The following ZNF138 variants were observed in gnomAD, a reference collection of about 807,000 sequenced individuals.
ZNF138 encodes the protein zinc finger protein 138 (clone pHZ-32).
A neutral mutation model predicts 33.0 loss-of-function variants in ZNF138; 33 were observed. The observed-to-expected ratio is 1.00, with a 90% confidence interval of 0.76 to 1.34. The LOEUF is 1.34. Among genes scored for constraint, ZNF138 ranks in the 40% most tolerant of loss-of-function variants. The pLI, the probability that ZNF138 is intolerant of heterozygous loss-of-function variation, is 0.00. For missense variants in ZNF138, 360 were observed against 370.8 expected (o/e 0.97, Z 0.24); for synonymous variants, 139 against 120.4 (o/e 1.15, Z -1.01).
At chr7:64,818,238 G>A (rs1336707380) in intron 3 of ZNF138, among the ~76,000 whole-genome samples, 1 of 151,594 alleles carries the variant, frequency 6.6e-6, no homozygotes, top group Non-Finnish European at 1.5e-5. Flanking sequence ...CCCCCACCTC[G>A]GCCTCCCAAT....
In ZNF138 at chr7:64,815,632, AT is replaced by A; in HGVS notation, c.188del (p.Met63ArgfsTer3). ...GCCCTGGAATATGAAGAGACATGAG[AT>A]GGTGGTAGCCAAACATTCAGGTAGG... ...KEPWNMKRHE[M>X]VVAKHSALCS... On this transcript the variant is annotated frameshift_variant, in exon 3 of 4. Transcript: ENST00000307355. LOFTEE classifies it high-confidence loss of function. 6.2e-7 allele frequency: 1 copy of A among 1,612,204 alleles called. No individual in the cohort carries two copies. The highest frequency in any genetic ancestry group is 8.5e-7 in the Non-Finnish European group (1 of 1,179,090).
intron 3 of ZNF138, among the ~76,000 whole-genome samples, chr7:64,819,017 G>T (rs1788899327): frequency 6.6e-6 from 1 of 152,008 alleles, no homozygotes; most frequent in Non-Finnish European, 1.5e-5. Context: ...TTCAGTGTAG[G>T]TTGCTTAATA....
chr7:64,811,492 C>T (rs1174222417), intron 1 of ZNF138, among the ~76,000 whole-genome samples: 2 of 152,080 alleles, frequency 1.3e-5, no homozygotes, highest in African/African-American at 4.8e-5. Flanking sequence ...ATTACAGGCA[C>T]CCGCCACCAT....
At chr7:64,828,057 C>G (rs1789784976) in intron 3 of ZNF138, among the ~76,000 whole-genome samples, 1 of 151,982 alleles carries the variant, frequency 6.6e-6, no homozygotes, top group Non-Finnish European at 1.5e-5. Flanking sequence ...GTTGTTTAAT[C>G]TTGTCTAGGT....
At chr7:64,857,774 A>G in the ZNF138 span, among the ~76,000 whole-genome samples, 80 of 152,336 alleles carry the variant, frequency 5.3e-4, no homozygotes, top group African/African-American at 1.9e-3. Context: ...CACCCAAACA[A>G]GTGCTTTTCA....
intron 1 of ZNF138, among the ~76,000 whole-genome samples, chr7:64,806,498 T>A (rs1237229985): frequency 6.6e-6 from 1 of 152,216 alleles, no homozygotes; most frequent in Non-Finnish European, 1.5e-5. Flanking sequence ...AATGTACAGA[T>A]GACACCTGCT....
In ZNF138 at chr7:64,815,019, G is replaced by A. The variant is rs568056273; in HGVS notation, c.105G>A (p.Glu35=). ...QRNVYRHVML[E]NYRNLVFLDL... ...ATGTATATAGGCATGTGATGTTAGA[G>A]AACTACAGAAACCTGGTTTTCTTGG... is the stretch of plus-strand genomic sequence containing the variant. The change falls in exon 2 of 4, where the codon GAG becomes GAA. Residue 35 remains glutamate (E), a synonymous_variant. Transcript: ENST00000307355. The A allele has an allele frequency of 5.0e-6, 8 of 1,609,242 alleles. No homozygotes were observed. Among genetic ancestry groups the A allele is most frequent in the African/African-American group, 1.3e-5 (1 of 74,738 alleles).
the ZNF138 span, chr7:64,852,980 C>A: frequency 2.6e-4 from 379 of 1,440,190 alleles, no homozygotes; most frequent in Non-Finnish European, 3.6e-4. Context: ...ATTACTGACT[C>A]CAAGGAGCAT....
chr7:64,835,402 G>C (rs983117155), downstream of ZNF138: 1 of 152,054 alleles, frequency 6.6e-6, no homozygotes, highest in Admixed American at 6.6e-5. Flanking sequence ...TCTTGTATCC[G>C]CTGGCGGAGA....
chr7:64,828,489 G>T (rs991877186), intron 3 of ZNF138, among the ~76,000 whole-genome samples: 1 of 151,954 alleles, frequency 6.6e-6, no homozygotes, highest in South Asian at 2.1e-4. Flanking sequence ...GCTTATAGTT[G>T]TTACAATATT....
chr7:64,809,856 G>A (rs1214893597), intron 1 of ZNF138, among the ~76,000 whole-genome samples: 4 of 115,854 alleles, frequency 3.5e-5, no homozygotes, highest in East Asian at 2.9e-4. Context: ...CATCTCAGAC[G>A]ATAGGCGGCC....
At chr7:64,801,583 C>T (rs1165864269) in intron 1 of ZNF138, among the ~76,000 whole-genome samples, 2 of 152,062 alleles carry the variant, frequency 1.3e-5, no homozygotes, top group East Asian at 3.9e-4. Context: ...TTTTGGATTG[C>T]GTGGTCAATT....
intron 1 of ZNF138, among the ~76,000 whole-genome samples, chr7:64,810,259 T>C (rs955653028): frequency 1.3e-5 from 2 of 150,770 alleles, no homozygotes; most frequent in Non-Finnish European, 3.0e-5. Flanking sequence ...GGCTGGAGAC[T>C]GGCCTGGCCG....
downstream of ZNF138, among the ~76,000 whole-genome samples, chr7:64,838,511 G>T (rs1046244860): frequency 6.6e-6 from 1 of 152,136 alleles, no homozygotes; most frequent in African/African-American, 2.4e-5. Context: ...AATGCCGGTT[G>T]CAGGGCAGCT....
chr7:64,817,582 A>G (rs977620708), intron 3 of ZNF138, among the ~76,000 whole-genome samples: 1 of 152,128 alleles, frequency 6.6e-6, no homozygotes, highest in African/African-American at 2.4e-5. Context: ...GCCCGAAGCA[A>G]TTCTCCAATG....
chr7:64,838,521 T>C (rs967820853), downstream of ZNF138, among the ~76,000 whole-genome samples: 1 of 152,166 alleles, frequency 6.6e-6, no homozygotes, highest in Non-Finnish European at 1.5e-5. Flanking sequence ...GCAGGGCAGC[T>C]GCCAGGGCTT....
intron 3 of ZNF138, among the ~76,000 whole-genome samples, chr7:64,817,899 T>A (rs889102040): frequency 6.6e-6 from 1 of 152,094 alleles, no homozygotes; most frequent in Admixed American, 6.5e-5. Flanking sequence ...TAGTTACTTA[T>A]ACATTTAAGT....
chr7:64,816,892 C>T (rs1363723731), intron 3 of ZNF138, among the ~76,000 whole-genome samples: 1 of 152,182 alleles, frequency 6.6e-6, no homozygotes, highest in Admixed American at 6.5e-5. Flanking sequence ...CGCTTGGTCA[C>T]AAGGCTGCTG....
chr7:64,812,533 G>A (rs1441040670), intron 1 of ZNF138, among the ~76,000 whole-genome samples: 2 of 152,188 alleles, frequency 1.3e-5, no homozygotes, highest in Non-Finnish European at 2.9e-5. Context: ...TGGGGACAGA[G>A]CAGTGTGGCC....
Sources: allele counts gnomAD v4.1 joint callset (sites outside exome capture counted in the v4.1 genomes callset), GRCh38; gene constraint gnomAD v4.1.1; transcripts MANE v1.5; gene names NCBI Gene and HGNC (gene_info 2026-07-23, HGNC 2026-07-21).